Variants in IL5RA observed in about 807,000 individuals in gnomAD.
IL5RA encodes the protein interleukin 5 receptor subunit alpha, also known as interleukin-5 receptor subunit alpha.
Under a neutral mutation model 50.0 loss-of-function variants are expected in IL5RA, and 49 were observed. That is an observed-to-expected ratio of 0.98 (90% CI 0.78 to 1.24). The LOEUF is 1.24. Ranked by LOEUF, IL5RA falls within the 50% of genes most tolerant of loss-of-function variation. The probability of loss-of-function intolerance (pLI) is 0.00; values close to 1 mark genes in which losing one functional copy is unlikely to be tolerated. For missense variants in IL5RA, 600 were observed against 500.4 expected (o/e 1.20, Z -1.90); for synonymous variants, 202 against 174.0 (o/e 1.16, Z -1.26).
At chr3:3,105,114 C>A (rs539540213) in intron 2 of IL5RA, 127 bp from the exon 3 acceptor site, 2 of 611,576 alleles carry the variant, frequency 3.3e-6, no homozygotes, top group South Asian at 2.0e-5. Context: ...ATTTGTTATG[C>A]GCAAAAAGTA....
intron 8 of IL5RA, among the ~76,000 whole-genome samples, chr3:3,093,555 A>G (rs1193926326): frequency 6.6e-6 from 1 of 152,240 alleles, no homozygotes; most frequent in African/African-American, 2.4e-5. Flanking sequence ...ACACGCACAC[A>G]CACGTGCACA....
At chr3:3,084,053 T>TAAAA (rs11399967) in intron 9 of IL5RA, among the ~76,000 whole-genome samples, 1,499 of 99,368 alleles carry the variant, frequency 0.015, 15 homozygotes, top group Middle Eastern at 0.065. Flanking sequence ...CTCCATCTCA[T>TAAAA]AAAAAAAAAA....
chr3:3,101,819 T>C lies in IL5RA; in HGVS notation c.240A>G (p.Arg80=), dbSNP rs367982438. ...NAPKEDDYET[R]ITESKCVTIL... ...TGGTTACACATTTGCTTTCAGTGATTCTGGTTTCATACTAAAAATAAAACC... is the reference window on the plus strand; with the variant it reads ...TGGTTACACATTTGCTTTCAGTGATCCTGGTTTCATACTAAAAATAAAACC... The change falls in exon 5 of 12, where the codon AGA becomes AGG. Residue 80 remains arginine (R), a synonymous_variant. Coordinates refer to ENST00000446632, the MANE Select transcript of IL5RA (RefSeq NM_175726.4). The C allele has an allele frequency of 1.6e-5, 26 of 1,613,676 alleles. No individual in the cohort carries two copies. The highest frequency in any genetic ancestry group is 1.9e-5 in the Non-Finnish European group (23 of 1,179,926).
chr3:3,105,652 A>G (rs1703885547), intron 2 of IL5RA: 1 of 135,474 alleles, frequency 7.4e-6, no homozygotes, highest in Admixed American at 8.3e-5. Context: ...AAGGGAGCGG[A>G]TCACAAAAGA....
At chr3:3,076,390 C>T in intron 10 of IL5RA, 141 bp downstream of exon 10, 1 of 624,042 alleles carries the variant, frequency 1.6e-6, no homozygotes, top group African/African-American at 1.9e-5. Flanking sequence ...CTACACTCAT[C>T]TTGGACAGGT....
chr3:3,085,997 C>T (rs915230561), intron 9 of IL5RA, among the ~76,000 whole-genome samples: 1 of 152,146 alleles, frequency 6.6e-6, no homozygotes, highest in African/African-American at 2.4e-5. Flanking sequence ...GTCTTCTACT[C>T]CCCTGGGTGT....
At chr3:3,095,794 A>T (rs1703334536) in intron 7 of IL5RA, among the ~76,000 whole-genome samples, 1 of 151,898 alleles carries the variant, frequency 6.6e-6, no homozygotes, top group Admixed American at 6.6e-5. Context: ...AAACCTGACC[A>T]CTGAGAGAAC....
intron 9 of IL5RA, among the ~76,000 whole-genome samples, chr3:3,086,381 A>G (rs190312290): frequency 7.9e-5 from 12 of 152,346 alleles, no homozygotes; most frequent in Admixed American, 7.2e-4. Context: ...TTCGATAAAC[A>G]GGAGACAGCA....
chr3:3,084,376 TA>T lies in IL5RA; in HGVS notation c.995-7750del, dbSNP rs530928801. Among the ~76,000 whole-genome samples the T allele has an allele frequency of 2.6e-4, 40 of 152,170 alleles. 1 individual carries two copies. In the South Asian group the frequency reaches 4.4e-3, roughly 17 times the overall value. ...AGAGATAAACTCAGGCCAGGAGAAA[TA>T]AACACACACCAAATATTCTAGATAC... On this transcript the variant is annotated intron_variant, in intron 9 of 11. Transcript: ENST00000446632.
At position 3,076,521 on chromosome 3, in the gene IL5RA, G is replaced by C. The variant is rs933343136; in HGVS notation, c.1091+10C>G. 1.9e-6 allele frequency: 3 copies of C among 1,558,224 alleles called. No individual in the cohort carries two copies. The highest frequency in any genetic ancestry group is 1.4e-5 in the African/African-American group (1 of 73,704). ...CCCACTGCAAGCACGCAAATGTAAAGAACACTTACATTTTACAGATAAGCG... is the reference window on the plus strand; with the variant it reads ...CCCACTGCAAGCACGCAAATGTAAACAACACTTACATTTTACAGATAAGCG... On this transcript the variant is annotated intron_variant, in intron 10 of 11. Transcript: ENST00000446632.
intron 5 of IL5RA, among the ~76,000 whole-genome samples, chr3:3,101,468 C>T (rs939588573): frequency 1.3e-5 from 2 of 152,160 alleles, no homozygotes; most frequent in African/African-American, 4.8e-5. Flanking sequence ...CACTGGAGGC[C>T]AATGCAGAGA....
intron 9 of IL5RA, chr3:3,090,138 C>T (rs1703026023): frequency 4.1e-6 from 6 of 1,472,744 alleles, no homozygotes; most frequent in Non-Finnish European, 5.6e-6. Flanking sequence ...TAGCATAGTG[C>T]TTGGCAAAAT....
intron 9 of IL5RA, among the ~76,000 whole-genome samples, chr3:3,087,959 G>A (rs1702938289): frequency 1.3e-5 from 2 of 152,248 alleles, no homozygotes; most frequent in Middle Eastern, 3.4e-3. Context: ...GAGCAGAGGA[G>A]TAAATTCCAG....
At chr3:3,106,740 A>C (rs1703939254) in intron 2 of IL5RA, among the ~76,000 whole-genome samples, 1 of 152,188 alleles carries the variant, frequency 6.6e-6, no homozygotes, top group African/African-American at 2.4e-5. Context: ...TAAGTTATGA[A>C]GGTGATTTCT....
intron 8 of IL5RA, among the ~76,000 whole-genome samples, chr3:3,093,978 C>A (rs1361585547): frequency 6.6e-6 from 1 of 152,114 alleles, no homozygotes; most frequent in East Asian, 1.9e-4. Flanking sequence ...GTAATTACAT[C>A]ATAGAATTAT....
intron 2 of IL5RA, among the ~76,000 whole-genome samples, chr3:3,107,071 TG>T (rs1703957713): frequency 6.6e-6 from 1 of 152,168 alleles, no homozygotes; most frequent in Non-Finnish European, 1.5e-5. Context: ...AAAATAGAAT[TG>T]TTTTTCAAAT....
intron 9 of IL5RA, among the ~76,000 whole-genome samples, chr3:3,081,891 G>T (rs910755845): frequency 6.6e-6 from 1 of 152,128 alleles, no homozygotes; most frequent in Non-Finnish European, 1.5e-5. Flanking sequence ...AAATGCATTA[G>T]GGCTACTCCC....
intron 8 of IL5RA, among the ~76,000 whole-genome samples, chr3:3,094,607 C>G (rs1398828665): frequency 6.6e-6 from 1 of 152,114 alleles, no homozygotes; most frequent in Non-Finnish European, 1.5e-5. Flanking sequence ...GCTTTCGATT[C>G]TTTTGTATAT....
Position 3,104,903 on chromosome 3 carries a change from T to C in IL5RA, c.82A>G (p.Ile28Val). The change falls in exon 3 of 12, where the codon ATT (isoleucine) becomes GTT (valine). Residue 28 changes from isoleucine to valine, a missense_variant and splice_region_variant. Physicochemically the swap from Ile to Val is conservative, Grantham distance 29. Transcript: ENST00000446632. ...ATTGAATTGAATAGAAGGTCCTTACTCTTTTCATCAGGAAGTAAGTCAGCT... is the reference window on the plus strand; with the variant it reads ...ATTGAATTGAATAGAAGGTCCTTACCCTTTTCATCAGGAAGTAAGTCAGCT... Reference protein sequence around the residue: ...LQADLLPDEKISLLPPVNFTI... With the variant: ...LQADLLPDEKVSLLPPVNFTI... 1 of 1,589,760 alleles carries C rather than the reference T, an allele frequency of 6.3e-7. No homozygotes were observed. The highest frequency in any genetic ancestry group is 8.6e-7 in the Non-Finnish European group (1 of 1,158,190).
Sources: allele counts gnomAD v4.1 joint callset (sites outside exome capture counted in the v4.1 genomes callset), GRCh38; gene constraint gnomAD v4.1.1; transcripts MANE v1.5; gene names NCBI Gene and HGNC (gene_info 2026-07-23, HGNC 2026-07-21).